GRB2: variants seen among roughly 807,000 people sequenced by gnomAD.
The protein encoded by GRB2 is growth factor receptor-bound protein 2.
A neutral mutation model predicts 27.4 loss-of-function variants in GRB2; 2 were observed. The observed-to-expected ratio is 0.07, with a 90% CI of 0.03 to 0.23. The LOEUF (loss-of-function observed/expected upper bound fraction) is 0.23. GRB2 is among the 10% of genes least tolerant of loss of function. The pLI, the probability that GRB2 is intolerant of heterozygous loss-of-function variation, is 1.00. For missense variants in GRB2, 102 were observed against 282.4 expected (o/e 0.36, Z 4.58); for synonymous variants, 94 against 99.6 (o/e 0.94, Z 0.33).
chr17:75,347,050 A>G (rs913775246), intron 2 of GRB2, among the ~76,000 whole-genome samples: 14 of 152,016 alleles, frequency 9.2e-5, no homozygotes, highest in Admixed American at 9.2e-4. Flanking sequence ...AATTGAAAGT[A>G]AGTCCTTTCC....
intron 2 of GRB2, among the ~76,000 whole-genome samples, chr17:75,340,712 T>C (rs966811336): frequency 6.6e-6 from 1 of 152,210 alleles, no homozygotes; most frequent in South Asian, 2.1e-4. Context: ...TTTCAAGCTA[T>C]AGTGATTCAT....
At chr17:75,358,236 C>G (rs1349079032) in intron 2 of GRB2, among the ~76,000 whole-genome samples, 1 of 151,956 alleles carries the variant, frequency 6.6e-6, no homozygotes, top group African/African-American at 2.4e-5. Flanking sequence ...ATATTTAAAC[C>G]AAAAATGTGG....
intron 2 of GRB2, among the ~76,000 whole-genome samples, chr17:75,357,657 A>G (rs1436914600): frequency 6.6e-6 from 1 of 152,208 alleles, no homozygotes; most frequent in East Asian, 1.9e-4. Context: ...GCAGTGGTGC[A>G]CGTCTGTAAT....
intron 1 of GRB2, among the ~76,000 whole-genome samples, chr17:75,400,908 TG>T (rs1459306854): frequency 1.3e-5 from 2 of 151,966 alleles, no homozygotes; most frequent in Admixed American, 6.6e-5. Context: ...CCCACACCCT[TG>T]ATCAATATCC....
At chr17:75,354,039 C>CAA (rs780123758) in intron 2 of GRB2, among the ~76,000 whole-genome samples, 2 of 139,002 alleles carry the variant, frequency 1.4e-5, no homozygotes, top group East Asian at 2.2e-4. Context: ...GACTCTGTCT[C>CAA]AAAAAAAAAA....
intron 2 of GRB2, among the ~76,000 whole-genome samples, chr17:75,351,633 A>T (rs1275856161): frequency 1.3e-5 from 2 of 152,080 alleles, no homozygotes; most frequent in Admixed American, 1.3e-4. Context: ...AATCTGGGTG[A>T]CAGAGCAAGA....
intron 2 of GRB2, among the ~76,000 whole-genome samples, chr17:75,378,323 T>C (rs2145860833): frequency 6.6e-6 from 1 of 152,108 alleles, no homozygotes; most frequent in East Asian, 1.9e-4. Context: ...GCGGAGGTTG[T>C]AGTGAGCTGA....
chr17:75,374,308 G>A (rs2078876887), intron 2 of GRB2, among the ~76,000 whole-genome samples: 1 of 148,610 alleles, frequency 6.7e-6, no homozygotes, highest in Non-Finnish European at 1.5e-5. Context: ...GGAGGCTGAG[G>A]CAAGAGAATC....
intron 2 of GRB2, among the ~76,000 whole-genome samples, chr17:75,347,745 T>C (rs2078664246): frequency 6.6e-6 from 1 of 152,194 alleles, no homozygotes; most frequent in Non-Finnish European, 1.5e-5. Flanking sequence ...TGAGCTGAGC[T>C]GGTGCGCAAC....
At chr17:75,321,304 G>A (rs2078457915) in intron 5 of GRB2, among the ~76,000 whole-genome samples, 1 of 150,120 alleles carries the variant, frequency 6.7e-6, no homozygotes, top group Non-Finnish European at 1.5e-5. Flanking sequence ...AGCTTCCCGA[G>A]TAGCTGGGAC....
At chr17:75,383,627 A>G (rs1432269560) in intron 2 of GRB2, among the ~76,000 whole-genome samples, 1 of 152,092 alleles carries the variant, frequency 6.6e-6, no homozygotes, top group Non-Finnish European at 1.5e-5. Context: ...GCGGATCACA[A>G]GGTCAGGAGT....
At chr17:75,377,136 CA>C (rs200702572) in intron 2 of GRB2, among the ~76,000 whole-genome samples, 5 of 147,232 alleles carry the variant, frequency 3.4e-5, no homozygotes, top group African/African-American at 5.0e-5. Context: ...CCCCCCGCTA[CA>C]AAAAAAAAAT....
intron 2 of GRB2, among the ~76,000 whole-genome samples, chr17:75,376,026 G>GAAAA (rs58559493): frequency 4.0e-4 from 26 of 65,372 alleles, no homozygotes; most frequent in African/African-American, 1.6e-3. Context: ...CTCCGTCTCA[G>GAAAA]AAAAAAAAAA....
intron 2 of GRB2, among the ~76,000 whole-genome samples, chr17:75,364,392 G>T (rs2078806249): frequency 6.6e-6 from 1 of 152,076 alleles, no homozygotes; most frequent in African/African-American, 2.4e-5. Context: ...GACAAATTAG[G>T]CCATTTCATC....
intron 2 of GRB2, among the ~76,000 whole-genome samples, chr17:75,348,717 C>A (rs1367544816): frequency 6.6e-6 from 1 of 152,208 alleles, no homozygotes; most frequent in Non-Finnish European, 1.5e-5. Context: ...CTCTGTTACC[C>A]AGGCTAGACA....
intron 2 of GRB2, among the ~76,000 whole-genome samples, chr17:75,390,465 C>T (rs1294488689): frequency 6.6e-6 from 1 of 152,142 alleles, no homozygotes; most frequent in Non-Finnish European, 1.5e-5. Flanking sequence ...TGATGTATTC[C>T]AACCACACCA....
intron 2 of GRB2, among the ~76,000 whole-genome samples, chr17:75,379,374 T>C (rs941864714): frequency 6.8e-6 from 1 of 146,336 alleles, no homozygotes; most frequent in African/African-American, 2.5e-5. Flanking sequence ...TTTAAAAGAA[T>C]TAAATAAAGA....
chr17:75,326,863 A>C, intron 3 of GRB2, among the ~76,000 whole-genome samples: 1 of 152,202 alleles, frequency 6.6e-6, no homozygotes, highest in South Asian at 2.1e-4. Flanking sequence ...TTTCAAATGA[A>C]AACTATAATT....
intron 2 of GRB2, among the ~76,000 whole-genome samples, chr17:75,351,769 G>T (rs1441645439): frequency 6.6e-6 from 1 of 152,160 alleles, no homozygotes; most frequent in African/African-American, 2.4e-5. Context: ...GAATATAGGT[G>T]ATATCTTAAT....
Sources: allele counts gnomAD v4.1 joint callset (sites outside exome capture counted in the v4.1 genomes callset), GRCh38; gene constraint gnomAD v4.1.1; transcripts MANE v1.5; gene names NCBI Gene and HGNC (gene_info 2026-07-23, HGNC 2026-07-21).